Variants in LRRC4C observed in about 807,000 individuals in gnomAD.
LRRC4C encodes leucine-rich repeat-containing protein 4C.
A neutral mutation model predicts 33.6 loss-of-function variants in LRRC4C; 5 were observed. The ratio of observed to expected loss-of-function variants is 0.15; its 90% CI spans 0.08 to 0.31. The LOEUF (loss-of-function observed/expected upper bound fraction) is 0.31. Among genes scored for constraint, LRRC4C ranks in the 10% least tolerant of loss-of-function variants. The pLI is 1.00. For synonymous variants in LRRC4C, 329 were observed against 302.0 expected, an observed-to-expected ratio of 1.09 and a Z score of -0.93; for missense variants, 560 against 796.7, an observed-to-expected ratio of 0.70 and a Z score of 3.58.
intron 3 of LRRC4C, among the ~76,000 whole-genome samples, chr11:40,340,609 G>A (rs1946824842): frequency 6.6e-6 from 1 of 152,116 alleles, no homozygotes; most frequent in Admixed American, 6.5e-5. Flanking sequence ...CAAGTGCAGT[G>A]CAACATTCTT....
chr11:40,649,888 A>G (rs769151203), intron 2 of LRRC4C, among the ~76,000 whole-genome samples: 12 of 152,208 alleles, frequency 7.9e-5, no homozygotes, highest in Non-Finnish European at 1.6e-4. Flanking sequence ...ACTTCCCACA[A>G]CAAATTGTAA....
At chr11:40,872,840 T>C (rs1456154772) in intron 2 of LRRC4C, among the ~76,000 whole-genome samples, 2 of 152,234 alleles carry the variant, frequency 1.3e-5, no homozygotes, top group Non-Finnish European at 2.9e-5. Flanking sequence ...TTAATCTCAC[T>C]GTGCTTCTCA....
rs570738463 is a variant in LRRC4C, at chr11:41,046,229, C to T, written c.-495-112506G>A. Among the ~76,000 whole-genome samples the T allele has an allele frequency of 4.6e-5, 7 of 152,160 alleles. No homozygotes were observed. In the South Asian group the frequency reaches 1.5e-3, roughly 32 times the overall value. On this transcript the variant is annotated intron_variant, in intron 1 of 6. Coordinates refer to ENST00000528697, the MANE Select transcript of LRRC4C (RefSeq NM_001258419.2). The stretch of plus-strand genomic sequence containing the variant: ...TATCAGATATTTGGTTACATGTTTT[C>T]TATCATGTTTCTTCTTCACAGCCAT...
intron 3 of LRRC4C, among the ~76,000 whole-genome samples, chr11:40,421,314 G>A (rs1950515133): frequency 2.0e-5 from 3 of 152,176 alleles, no homozygotes; most frequent in Non-Finnish European, 2.9e-5. Flanking sequence ...TATAGGGAAC[G>A]TTTTGCCTTT....
intron 1 of LRRC4C, among the ~76,000 whole-genome samples, chr11:41,061,936 A>AGGTG (rs2135369330): frequency 6.6e-6 from 1 of 152,308 alleles, no homozygotes; most frequent in African/African-American, 2.4e-5. Flanking sequence ...AAGCAGTGTG[A>AGGTG]GGTGAGGTGC....
intron 3 of LRRC4C, among the ~76,000 whole-genome samples, chr11:40,498,238 G>A (rs919479831): frequency 3.9e-5 from 6 of 152,142 alleles, no homozygotes; most frequent in Non-Finnish European, 8.8e-5. Flanking sequence ...AGGCAAGTGA[G>A]TTAACATCCC....
At position 40,367,505 on chromosome 11, in the gene LRRC4C, T is replaced by C. The variant is rs373955890; in HGVS notation, c.-269-47784A>G. 2.6e-4 allele frequency among the ~76,000 whole-genome samples: 39 copies of C among 152,158 alleles called. 1 individual carries two copies. In the South Asian group the frequency reaches 7.9e-3, roughly 31 times the overall value. ...TTTTTCTGTCTTATTTTTTTCACAATGCAATGCATGGAGGCCACACTGACA... is the reference window on the plus strand; with the variant it reads ...TTTTTCTGTCTTATTTTTTTCACAACGCAATGCATGGAGGCCACACTGACA... On this transcript the variant is annotated intron_variant, in intron 3 of 6. Transcript: ENST00000528697.
chr11:41,255,156 A>G (rs893271431), intron 1 of LRRC4C, among the ~76,000 whole-genome samples: 1 of 152,036 alleles, frequency 6.6e-6, no homozygotes, highest in African/African-American at 2.4e-5. Context: ...CAGTGTTCCA[A>G]TGAACAGCTA....
intron 1 of LRRC4C, among the ~76,000 whole-genome samples, chr11:41,170,692 T>C (rs982362619): frequency 1.3e-5 from 2 of 152,166 alleles, no homozygotes; most frequent in African/African-American, 4.8e-5. Flanking sequence ...GACATAGGCA[T>C]GGGCAAGGAC....
intron 1 of LRRC4C, among the ~76,000 whole-genome samples, chr11:41,150,273 CTACT>C (rs1188191470): frequency 6.6e-6 from 1 of 152,114 alleles, no homozygotes; most frequent in Non-Finnish European, 1.5e-5. Flanking sequence ...GTATGAATGC[CTACT>C]TAAACTTCAG....
At chr11:40,118,170 A>G (rs1196309372) in intron 6 of LRRC4C, among the ~76,000 whole-genome samples, 2 of 148,380 alleles carry the variant, frequency 1.3e-5, no homozygotes, top group Admixed American at 1.4e-4. Flanking sequence ...TTAATATTAA[A>G]ATAATAATGT....
In LRRC4C at chr11:40,204,879, T is replaced by C. The variant is rs1043794674; in HGVS notation, c.-96+36640A>G. Reference sequence around the variant, plus strand: ...TTCGCTGCTGATACTTAAAGGTTTCTGGACATGAGCAGGGGTCCCAGCACC... The same window carrying C: ...TTCGCTGCTGATACTTAAAGGTTTCCGGACATGAGCAGGGGTCCCAGCACC... On this transcript the variant is annotated intron_variant, in intron 5 of 6. Transcript: ENST00000528697. 4.6e-5 allele frequency among the ~76,000 whole-genome samples: 7 copies of C among 152,342 alleles called. No homozygotes were observed. In the East Asian group the frequency reaches 1.4e-3, roughly 29 times the overall value.
At chr11:40,495,830 T>TTTTG (rs1954418190) in intron 3 of LRRC4C, among the ~76,000 whole-genome samples, 2 of 46,730 alleles carry the variant, frequency 4.3e-5, no homozygotes, top group Non-Finnish European at 8.7e-5. Flanking sequence ...TTTTTTTTTT[T>TTTTG]TTTTTTTTTT....
At chr11:40,964,324 G>A (rs566805020) in intron 1 of LRRC4C, among the ~76,000 whole-genome samples, 2 of 151,410 alleles carry the variant, frequency 1.3e-5, no homozygotes, top group Non-Finnish European at 3.0e-5. Context: ...CAAAAAGAAA[G>A]AAAATAAAAA....
chr11:40,549,363 A>G (rs1957048794), intron 3 of LRRC4C, among the ~76,000 whole-genome samples: 1 of 152,136 alleles, frequency 6.6e-6, no homozygotes, highest in African/African-American at 2.4e-5. Context: ...GACAGAGCGA[A>G]CACTTACCTC....
chr11:40,888,417 A>G (rs1055226897), intron 2 of LRRC4C, among the ~76,000 whole-genome samples: 3 of 151,928 alleles, frequency 2.0e-5, no homozygotes, highest in Non-Finnish European at 4.4e-5. Context: ...AATCTATTGC[A>G]TGTATATGTT....
chr11:40,265,464 A>T (rs1942178922), intron 4 of LRRC4C, among the ~76,000 whole-genome samples: 1 of 152,194 alleles, frequency 6.6e-6, no homozygotes, highest in South Asian at 2.1e-4. Flanking sequence ...AATCCTCCAT[A>T]GTCTAAATAT....
intron 1 of LRRC4C, among the ~76,000 whole-genome samples, chr11:41,006,136 G>A (rs1854736675): frequency 6.6e-6 from 1 of 152,156 alleles, no homozygotes; most frequent in Non-Finnish European, 1.5e-5. Context: ...AAATTTAGTG[G>A]TGTTGACATA....
At chr11:40,195,296 G>T (rs1314050381) in intron 5 of LRRC4C, among the ~76,000 whole-genome samples, 1 of 152,098 alleles carries the variant, frequency 6.6e-6, no homozygotes, top group Non-Finnish European at 1.5e-5. Context: ...GCAAGAATGT[G>T]GGGAGGGGAA....
Sources: gnomAD v4.1 joint callset for allele counts (sites outside exome capture counted in the v4.1 genomes callset) on GRCh38, gnomAD v4.1.1 for gene constraint, MANE v1.5 for transcripts, NCBI Gene and HGNC (gene_info 2026-07-23, HGNC 2026-07-21) for gene names.